Variants in DMD observed in about 807,000 individuals in gnomAD.
DMD encodes mutant dystrophin.
DMD carries 63 observed loss-of-function variants against 330.1 expected under a neutral mutation model. That is an observed-to-expected ratio of 0.19 (90% CI 0.16 to 0.24). The LOEUF is 0.24. Among genes scored for constraint, DMD ranks in the 10% least tolerant of loss-of-function variants. The pLI, the probability that DMD is intolerant of heterozygous loss-of-function variation, is 1.00. For synonymous variants in DMD, 1,223 were observed against 959.8 expected (o/e 1.27, Z -5.07); for missense variants, 3,344 against 2,684.1 (o/e 1.25, Z -5.43).
chrX:32,376,637 T>A, intron 34 of DMD, among the ~76,000 whole-genome samples: 1 of 111,164 alleles, frequency 9.0e-6, no homozygotes, highest in East Asian at 2.8e-4. Flanking sequence ...CCAACATAGT[T>A]TATATTATAG....
At chrX:32,229,611 GAAGT>G (rs1383176921) in intron 43 of DMD, among the ~76,000 whole-genome samples, 7 of 90,664 alleles carry the variant, frequency 7.7e-5, no homozygotes, top group Non-Finnish European at 1.5e-4. Flanking sequence ...CCACCTTAAT[GAAGT>G]ATGATTGACA....
chrX:32,393,354 T>A (rs2098017568), intron 30 of DMD, among the ~76,000 whole-genome samples: 1 of 111,151 alleles, frequency 9.0e-6, no homozygotes, highest in African/African-American at 3.3e-5. Context: ...TTTGGCAAAA[T>A]TTAACAAGAA....
chrX:32,812,365 G>C (rs1009479424), intron 6 of DMD, among the ~76,000 whole-genome samples: 2 of 112,332 alleles, frequency 1.8e-5, no homozygotes, highest in Non-Finnish European at 3.8e-5. Flanking sequence ...AGGCGCAGTG[G>C]CTCCCGCCTA....
chrX:31,208,034 T>C (rs1488627382), intron 65 of DMD, among the ~76,000 whole-genome samples: 1 of 111,944 alleles, frequency 8.9e-6, no homozygotes, highest in Non-Finnish European at 1.9e-5. Flanking sequence ...CAATAGTTTT[T>C]TGGCTTCTTA....
intron 60 of DMD, among the ~76,000 whole-genome samples, chrX:31,375,741 C>A (rs1346784470): frequency 9.0e-6 from 1 of 111,661 alleles, no homozygotes; most frequent in East Asian, 2.8e-4. Context: ...TTAATGGGTA[C>A]AGTTTCAGAT....
chrX:31,232,077 A>C (rs1353734878), intron 63 of DMD, among the ~76,000 whole-genome samples: 2 of 62,999 alleles, frequency 3.2e-5, no homozygotes, highest in Non-Finnish European at 5.9e-5. Context: ...AGGTCAGCAC[A>C]TGTTAAAAAA....
chrX:31,571,840 T>C (rs776553903), intron 55 of DMD, among the ~76,000 whole-genome samples: 24 of 111,891 alleles, frequency 2.1e-4, no homozygotes, highest in Non-Finnish European at 3.8e-4. Flanking sequence ...TTTCTTGAGA[T>C]ACTGTCAAAT....
intron 2 of DMD, among the ~76,000 whole-genome samples, chrX:32,863,537 T>TACACACACACACACACACACACAC (rs199774174): frequency 3.3e-4 from 26 of 78,233 alleles, no homozygotes; most frequent in African/African-American, 1.5e-3. Flanking sequence ...ATTGTGTTTA[T>TACACACACACACACACACACACAC]ACACACACAC....
chrX:32,666,395 C>G (rs1289026409), intron 9 of DMD, among the ~76,000 whole-genome samples: 1 of 110,254 alleles, frequency 9.1e-6, no homozygotes, highest in Admixed American at 9.7e-5. Flanking sequence ...GTGTGATGTT[C>G]CCCTCCCTGT....
At chrX:31,830,956 C>G (rs143458659) in intron 49 of DMD, among the ~76,000 whole-genome samples, 78 of 112,062 alleles carry the variant, frequency 7.0e-4, no homozygotes, top group Middle Eastern at 4.6e-3. Context: ...TAGATAAACA[C>G]TAAGATACCT....
At chrX:32,728,537 A>G (rs1265352833) in intron 7 of DMD, among the ~76,000 whole-genome samples, 1 of 111,663 alleles carries the variant, frequency 9.0e-6, no homozygotes, top group Non-Finnish European at 1.9e-5. Flanking sequence ...GAGCTTAGAG[A>G]GGAGTAGACC....
intron 9 of DMD, among the ~76,000 whole-genome samples, chrX:32,691,929 C>T (rs1225018213): frequency 9.0e-6 from 1 of 111,530 alleles, no homozygotes; most frequent in Non-Finnish European, 1.9e-5. Context: ...CTCCATGATT[C>T]TACTTATAAG....
At chrX:32,016,757 C>G (rs2095764277) in intron 44 of DMD, among the ~76,000 whole-genome samples, 1 of 112,615 alleles carries the variant, frequency 8.9e-6, no homozygotes. Flanking sequence ...ATTGTGTTCA[C>G]AGTTTTATCA....
At chrX:31,872,379 C>T (rs1406325867) in intron 48 of DMD, among the ~76,000 whole-genome samples, 6 of 111,296 alleles carry the variant, frequency 5.4e-5, no homozygotes, top group African/African-American at 2.0e-4. Context: ...CTGCAGGGAC[C>T]CATTTGGCAG....
chrX:33,299,679 T>A (rs1468418319), intron 1 of DMD, among the ~76,000 whole-genome samples: 1 of 112,124 alleles, frequency 8.9e-6, no homozygotes, highest in Non-Finnish European at 1.9e-5. Context: ...ATGGAATATG[T>A]TTTTCTAGCC....
intron 44 of DMD, among the ~76,000 whole-genome samples, chrX:32,126,921 C>G (rs761059063): frequency 5.3e-5 from 6 of 112,163 alleles, no homozygotes; most frequent in Non-Finnish European, 1.1e-4. Context: ...ACTGGGCTAT[C>G]TAATTAATAA....
At chrX:31,380,134 A>G (rs111238575) in intron 60 of DMD, among the ~76,000 whole-genome samples, 26 of 110,733 alleles carry the variant, frequency 2.3e-4, no homozygotes, top group African/African-American at 7.6e-4. Context: ...CCTTACCTCC[A>G]TAACTGTTGT....
chrX:32,900,487 G>A (rs370274297), intron 2 of DMD, among the ~76,000 whole-genome samples: 1 of 111,232 alleles, frequency 9.0e-6, no homozygotes, highest in East Asian at 2.8e-4. Flanking sequence ...AGGACTATAG[G>A]TGCATGCCAC....
intron 62 of DMD, among the ~76,000 whole-genome samples, chrX:31,269,230 T>C (rs2051422561): frequency 8.9e-6 from 1 of 111,914 alleles, no homozygotes; most frequent in South Asian, 3.8e-4. Flanking sequence ...AGGAAAGCAT[T>C]TGGAAAAGAA....
Sources: allele counts gnomAD v4.1 joint callset (sites outside exome capture counted in the v4.1 genomes callset), GRCh38; gene constraint gnomAD v4.1.1; transcripts MANE v1.5; gene names NCBI Gene and HGNC (gene_info 2026-07-23, HGNC 2026-07-21).